Variants in DMXL2 observed in about 807,000 individuals in gnomAD.
The protein encoded by DMXL2 is dmX-like protein 2.
In DMXL2, 103 loss-of-function variants were observed where a neutral mutation model predicts 331.1. The observed-to-expected ratio is 0.31, with a 90% CI of 0.27 to 0.37. The LOEUF (loss-of-function observed/expected upper bound fraction) is 0.37, where lower values mean the gene tolerates loss of function less well. Ranked by LOEUF, DMXL2 falls within the 10% of genes least tolerant of loss-of-function variation. The pLI is 1.00. For synonymous variants in DMXL2, 1,281 were observed against 1,252.1 expected, an observed-to-expected ratio of 1.02 and a Z score of -0.49; for missense variants, 3,171 against 3,642.9, an observed-to-expected ratio of 0.87 and a Z score of 3.33.
In DMXL2 at chr15:51,464,777, G is replaced by T. The variant is rs1375880698; in HGVS notation, c.7706C>A (p.Pro2569His). ...TGGATATGTGTTGATATAGTTAGGG[G>T]GTGGACCTTCAAACTGATCCATTTT... The part of the protein sequence containing the change: ...QEKMDQFEGP[P>H]PNYINTYPTD... The change falls in exon 32 of 44, where the codon CCC (proline) becomes CAC (histidine). Residue 2569 changes from proline to histidine, a missense_variant. Around this residue, in one of 7 missense-constraint regions of DMXL2, gnomAD observed 766 missense variants for 940.5 expected, o/e 0.81. Transcript: ENST00000560891. 1 of 1,614,048 alleles carries T rather than the reference G, an allele frequency of 6.2e-7. No homozygotes were observed. Among genetic ancestry groups the T allele is most frequent in the Non-Finnish European group, 8.5e-7 (1 of 1,179,960 alleles).
Position 51,545,670 on chromosome 15 carries a change from C to A in DMXL2, c.843G>T (p.Glu281Asp), listed in dbSNP as rs758781486. Residue 281 changes from glutamate (E) to aspartate (D), a missense_variant, in exon 8 of 44, where the codon GAG becomes GAT. Coordinates refer to ENST00000560891, the MANE Select transcript of DMXL2 (RefSeq NM_001378457.1). ...TLLPEDCLLG[E>D]QICETTTSSI... ...TGGAAGTGGTAGTCTCACAAATCTG[C>A]TCACCCAAAAGACAGTCTTCTGGTA... 6.2e-7 allele frequency: 1 copy of A among 1,613,720 alleles called. No individual in the cohort carries two copies. The highest frequency in any genetic ancestry group is 8.5e-7 in the Non-Finnish European group (1 of 1,179,752).
intron 1 of DMXL2, among the ~76,000 whole-genome samples, 173 bp downstream of exon 1, chr15:51,622,286 C>G (rs1244330061): frequency 2.0e-5 from 3 of 152,200 alleles, no homozygotes; most frequent in Admixed American, 1.3e-4. Flanking sequence ...GACGCAGGAC[C>G]CACGGTCCCA....
rs2048845205 is a variant in DMXL2 at position 51,545,620 on chromosome 15, G to C, written c.893C>G (p.Ala298Gly). The change falls in exon 8 of 44, where the codon GCT becomes GGT. Residue 298 changes from alanine (A) to glycine (G), a missense_variant. Ala to Gly is a moderately conservative substitution (Grantham distance 60). Coordinates refer to ENST00000560891, the MANE Select transcript of DMXL2 (RefSeq NM_001378457.1). ...CTGTATTCTGTCTTTGTGTCTTCCAGCATGAGAAAGGCTGCTGGCAATGCT... is the reference window on the plus strand; with the variant it reads ...CTGTATTCTGTCTTTGTGTCTTCCACCATGAGAAAGGCTGCTGGCAATGCT... The part of the protein sequence containing the change: ...TSSIASSLSH[A>G]GRHKDRIQHA... 6.2e-7 allele frequency: 1 copy of C among 1,613,512 alleles called. No homozygotes were observed. The highest frequency in any genetic ancestry group is 8.5e-7 in the Non-Finnish European group (1 of 1,179,678).
chr15:51,453,458 T>G, intron 41 of DMXL2, 92 bp downstream of exon 41: 2 of 920,818 alleles, frequency 2.2e-6, no homozygotes, highest in Non-Finnish European at 1.6e-6. Flanking sequence ...ATGCCTAGAG[T>G]GGAAAAACCC....
intron 43 of DMXL2, 58 bp downstream of exon 43, chr15:51,450,071 T>C: frequency 6.1e-6 from 9 of 1,472,224 alleles, no homozygotes; most frequent in Non-Finnish European, 7.5e-6. Context: ...TGTGGAGTTT[T>C]TGTTTTTTCT....
chr15:51,610,059 A>T (rs569148967), intron 1 of DMXL2, among the ~76,000 whole-genome samples: 6 of 152,334 alleles, frequency 3.9e-5, no homozygotes, highest in Admixed American at 3.3e-4. Flanking sequence ...TATTTGGAAG[A>T]ACGATCTGAA....
chr15:51,619,558 C>G (rs977918578), intron 1 of DMXL2, among the ~76,000 whole-genome samples: 1 of 152,166 alleles, frequency 6.6e-6, no homozygotes, highest in Admixed American at 6.5e-5. Flanking sequence ...TCACAGCCAA[C>G]CAATCACGCC....
At position 51,499,879 on chromosome 15, in the gene DMXL2, T is replaced by C. The variant is rs771490687; in HGVS notation, c.3345A>G (p.Ser1115=). ...CIFECESTGG[S]EWVLEQTIHL... ...GAATTGTTTGTTCTAAAACCCACTC[T>C]GATCCTCCTGTAGATTCACATTCAA... Residue 1115 remains serine, a synonymous_variant, in exon 18 of 44, where the codon TCA becomes TCG. Coordinates refer to ENST00000560891, the MANE Select transcript of DMXL2 (RefSeq NM_001378457.1). 1.9e-5 allele frequency: 31 copies of C among 1,614,082 alleles called. No homozygotes were observed. Among genetic ancestry groups the C allele is most frequent in the Admixed American group, 3.3e-5 (2 of 60,010 alleles).
At chr15:51,524,567 C>A (rs778714819) in intron 13 of DMXL2, among the ~76,000 whole-genome samples, 1 of 152,112 alleles carries the variant, frequency 6.6e-6, no homozygotes, top group African/African-American at 2.4e-5. Context: ...GCAGCAGCAG[C>A]GTGGTGCTGA....
chr15:51,545,285 CAT>C (rs1049879170), intron 8 of DMXL2, among the ~76,000 whole-genome samples: 23 of 152,160 alleles, frequency 1.5e-4, no homozygotes, highest in African/African-American at 5.1e-4. Flanking sequence ...TAGATTTTCA[CAT>C]GTGACATGCA....
chr15:51,471,444 C>T, intron 28 of DMXL2, 43 bp from the exon 29 acceptor site: 1 of 1,536,326 alleles, frequency 6.5e-7, no homozygotes, highest in Non-Finnish European at 8.9e-7. Context: ...CATTCATTTT[C>T]CATTGTTAAT....
intron 23 of DMXL2, 97 bp downstream of exon 23, chr15:51,485,976 A>AAAG: frequency 7.6e-7 from 1 of 1,313,534 alleles, no homozygotes; most frequent in Non-Finnish European, 1.0e-6. Flanking sequence ...TTGAAAAGCA[A>AAAG]ATCTGGTAAT....
chr15:51,593,313 AAAG>A lies in DMXL2; in HGVS notation c.88-17135_88-17133del, dbSNP rs536776311. Among the ~76,000 whole-genome samples the A allele has an allele frequency of 1.8e-3, 269 of 152,384 alleles. 1 individual carries two copies. Among genetic ancestry groups the A allele is most frequent in the African/African-American group, 6.2e-3 (257 of 41,596 alleles). ...TAAACCAACAAAGATCAAAAGAGAC[AAAG>A]AAGGCCATTACATAATGGTAAAGGG... On this transcript the variant is annotated intron_variant, in intron 1 of 43. Transcript: ENST00000560891.
chr15:51,534,805 T>C (rs1392341488), intron 13 of DMXL2, among the ~76,000 whole-genome samples: 1 of 152,180 alleles, frequency 6.6e-6, no homozygotes, highest in Admixed American at 6.5e-5. Context: ...CTAAATCTTA[T>C]CCACTCATCA....
At position 51,530,645 on chromosome 15, in the gene DMXL2, C is replaced by T. The variant is rs2047949022; in HGVS notation, c.2436+5018G>A. ...TGGCACATGCCTGTAGTCCCAGCTA[C>T]TCTGGAGGCTGAGGCAGAAGAATCA... On this transcript the variant is annotated intron_variant, in intron 13 of 43. Coordinates refer to ENST00000560891, the MANE Select transcript of DMXL2 (RefSeq NM_001378457.1). Among the ~76,000 whole-genome samples the T allele has an allele frequency of 2.6e-5, 4 of 151,696 alleles. No individual in the cohort carries two copies. In the South Asian group the frequency reaches 8.3e-4, roughly 32 times the overall value.
At chr15:51,567,396 C>T (rs555448006) in intron 3 of DMXL2, 2 of 152,088 alleles carry the variant, frequency 1.3e-5, no homozygotes, top group East Asian at 1.9e-4. Flanking sequence ...GCTTCCTACC[C>T]TTATGTACCT....
chr15:51,450,068 T>G, intron 43 of DMXL2, 61 bp downstream of exon 43: 1 of 1,429,290 alleles, frequency 7.0e-7, no homozygotes, highest in Non-Finnish European at 9.6e-7. Context: ...GAATGTGGAG[T>G]TTTTGTTTTT....
intron 1 of DMXL2, among the ~76,000 whole-genome samples, chr15:51,612,320 C>A (rs762496548): frequency 3.3e-5 from 5 of 152,142 alleles, no homozygotes; most frequent in Non-Finnish European, 7.3e-5. Flanking sequence ...TTCAATTATT[C>A]CATAATCAAA....
rs779079472 is a variant in DMXL2 at position 51,514,392 on chromosome 15, T to C, written c.2644+50A>G. ...TCCATACTCAGTGAAAACTTAGAGA[T>C]CATTTTTTAGCATGAAGGTAAACAA... On this transcript the variant is annotated intron_variant, in intron 15 of 43. Transcript: ENST00000560891. 7.3e-6 allele frequency: 8 copies of C among 1,094,090 alleles called. No individual in the cohort carries two copies. In the Admixed American group the frequency reaches 1.9e-4, roughly 26 times the overall value. 67.8% of individuals were successfully genotyped at this position (1,094,090 alleles called of 1,614,324 possible).
Sources: gnomAD v4.1 joint callset for allele counts (sites outside exome capture counted in the v4.1 genomes callset) on GRCh38, gnomAD v4.1.1 for gene constraint, gnomAD v4.1.1 regional missense constraint, MANE v1.5 for transcripts, NCBI Gene and HGNC (gene_info 2026-07-23, HGNC 2026-07-21) for gene names.